The following HK2 variants were observed in gnomAD, a reference collection of about 807,000 sequenced individuals.
HK2 encodes hexokinase-2.
A neutral mutation model predicts 92.9 loss-of-function variants in HK2; 42 were observed. That is an observed-to-expected ratio of 0.45 (90% CI 0.35 to 0.58). The LOEUF is 0.58. HK2 is among the 20% of genes least tolerant of loss of function. HK2 has a pLI of 0.00. For synonymous variants in HK2, 422 were observed against 468.0 expected (o/e 0.90, Z 1.27); for missense variants, 978 against 1,245.1 (o/e 0.79, Z 3.23).
intron 2 of HK2, among the ~76,000 whole-genome samples, chr2:74,859,074 G>A (rs913044771): frequency 1.3e-5 from 2 of 152,172 alleles, no homozygotes; most frequent in Non-Finnish European, 2.9e-5. Flanking sequence ...TCTATTTGTC[G>A]TTTTGCTTCT....
At chr2:74,855,684 T>C (rs1475754566) in intron 2 of HK2, among the ~76,000 whole-genome samples, 2 of 152,256 alleles carry the variant, frequency 1.3e-5, no homozygotes, top group African/African-American at 2.4e-5. Flanking sequence ...ATTTAATCTC[T>C]GCAGTAGCAT....
chr2:74,834,756 A>G lies in HK2; in HGVS notation c.63+113A>G. 1 of 1,238,486 alleles carries G rather than the reference A, an allele frequency of 8.1e-7. No individual in the cohort carries two copies. Among genetic ancestry groups the G allele is most frequent in the Non-Finnish European group, 1.2e-6 (1 of 847,844 alleles). 76.7% of individuals were successfully genotyped at this position (1,238,486 alleles called of 1,614,324 possible). A position where few individuals can be genotyped will look rare whatever the true frequency, so the allele number is the denominator to read the frequency against. ...GCTTCCTCCCTACTCCGGGCCTGGG[A>G]GCGGAAAAAGTTTGGGCAGCCGGGA... On this transcript the variant is annotated intron_variant, in intron 1 of 17. Transcript: ENST00000290573. This position sits in a 1 kb window ranked among gnomAD's most constrained non-coding sequence, Gnocchi z 4.2.
intron 12 of HK2, 102 bp from the exon 13 acceptor site, chr2:74,885,392 G>A (rs552643606): frequency 2.8e-5 from 22 of 794,394 alleles, no homozygotes; most frequent in African/African-American, 1.4e-4. Context: ...TGGGGGATCC[G>A]TCTGACCTGT....
intron 13 of HK2, among the ~76,000 whole-genome samples, chr2:74,885,873 C>A (rs545139996): frequency 4.6e-5 from 7 of 151,478 alleles, no homozygotes; most frequent in South Asian, 4.2e-4. Context: ...CACACACACA[C>A]ACACACACAC....
chr2:74,854,588 T>A (rs1487928841), intron 2 of HK2, 133 bp downstream of exon 2: 6 of 946,122 alleles, frequency 6.3e-6, no homozygotes, highest in Non-Finnish European at 1.0e-5. Context: ...GGGAATTGAA[T>A]GGAAGGCTGT....
At chr2:74,863,446 T>C (rs1688877569) in intron 2 of HK2, among the ~76,000 whole-genome samples, 1 of 152,332 alleles carries the variant, frequency 6.6e-6, no homozygotes, top group South Asian at 2.1e-4. Context: ...TGAATACTTC[T>C]GTATGGCTGA....
chr2:74,886,323 G>C lies in HK2; in HGVS notation c.1965G>C (p.Val655=). Residue 655 remains valine (V), a synonymous_variant, in exon 14 of 18, where the codon GTG becomes GTC. Coordinates refer to ENST00000290573, the MANE Select transcript of HK2 (RefSeq NM_000189.5). ...TTGACCTGGATGTGGTTGCTGTGGT[G>C]AACGACACAGTCGGAACTATGATGA... ...EEFDLDVVAV[V]NDTVGTMMTC... is the part of the protein sequence containing the mutation. 1 of 1,614,168 alleles carries C rather than the reference G, an allele frequency of 6.2e-7. No homozygotes were observed. The highest frequency in any genetic ancestry group is 1.7e-5 in the Admixed American group (1 of 60,032).
chr2:74,854,656 C>T (rs996658189), intron 2 of HK2, among the ~76,000 whole-genome samples: 2 of 152,218 alleles, frequency 1.3e-5, no homozygotes, highest in African/African-American at 4.8e-5. Flanking sequence ...TAAGGGAGGG[C>T]ACCTTTGTCA....
chr2:74,861,452 C>T (rs1440004341), intron 2 of HK2, among the ~76,000 whole-genome samples: 3 of 151,600 alleles, frequency 2.0e-5, no homozygotes, highest in Non-Finnish European at 4.4e-5. Flanking sequence ...GAATTGATAG[C>T]ATTTAATGAG....
intron 1 of HK2, among the ~76,000 whole-genome samples, chr2:74,839,072 G>T (rs984968894): frequency 2.6e-5 from 4 of 152,178 alleles, no homozygotes; most frequent in Non-Finnish European, 5.9e-5. Flanking sequence ...TCAATGCTGG[G>T]CTTGAGAGGA....
rs371245896 is a variant in HK2 at position 74,891,223 on chromosome 2, C to T, written c.*282C>T. 72 of 445,428 alleles carry T rather than the reference C, an allele frequency of 1.6e-4. 1 individual carries two copies. Among genetic ancestry groups the T allele is most frequent in the African/African-American group, 9.8e-4 (49 of 50,190 alleles). The allele number at this position is 445,428 out of a possible 1,614,324, so 27.6% of individuals were successfully genotyped here. On this transcript the variant is annotated 3_prime_UTR_variant, in exon 18 of 18. Transcript: ENST00000290573. ...AAAATTATCTCCCTTAGTAATCCCC[C>T]TTGCCAAATTCCATGTCCCTGTATA...
At position 74,846,331 on chromosome 2, in the gene HK2, C is replaced by T. The variant is rs540125270; in HGVS notation, c.64-7962C>T. Among the ~76,000 whole-genome samples, 8 of 151,348 alleles carry T rather than the reference C, an allele frequency of 5.3e-5. No individual in the cohort carries two copies. In the East Asian group the frequency reaches 1.2e-3, roughly 22 times the overall value. On this transcript the variant is annotated intron_variant, in intron 1 of 17. Coordinates refer to ENST00000290573, the MANE Select transcript of HK2 (RefSeq NM_000189.5). ...AGTGCAACCTGCCTTTTTTTTCCAG[C>T]GTCTTTTGAATTGAAGTATAATGCA...
At chr2:74,871,122 G>T (rs757593466) in intron 3 of HK2, among the ~76,000 whole-genome samples, 5 of 152,180 alleles carry the variant, frequency 3.3e-5, no homozygotes, top group African/African-American at 4.8e-5. Flanking sequence ...AGGGCGGAAG[G>T]CTTGCTAACA....
intron 4 of HK2, among the ~76,000 whole-genome samples, 194 bp from the exon 5 acceptor site, chr2:74,873,082 G>A (rs1342442061): frequency 6.6e-6 from 1 of 152,158 alleles, no homozygotes; most frequent in Admixed American, 6.5e-5. Flanking sequence ...ATTGTTATGC[G>A]GCACATGACT....
intron 16 of HK2, among the ~76,000 whole-genome samples, chr2:74,888,532 A>G (rs979781243): frequency 5.3e-5 from 8 of 152,214 alleles, no homozygotes; most frequent in African/African-American, 1.9e-4. Flanking sequence ...CCTACAGTCA[A>G]ATGGTGGAAA....
At chr2:74,852,062 T>C (rs969690287) in intron 1 of HK2, among the ~76,000 whole-genome samples, 1 of 152,170 alleles carries the variant, frequency 6.6e-6, no homozygotes. Flanking sequence ...CTCTGTAGAA[T>C]AGAGATGCTG....
chr2:74,850,384 C>G (rs901509085), intron 1 of HK2, among the ~76,000 whole-genome samples: 5 of 152,218 alleles, frequency 3.3e-5, no homozygotes, highest in African/African-American at 1.2e-4. Context: ...ACAAGTAGAG[C>G]TGTTCAAAAA....
chr2:74,884,158 G>A (rs1379963162), intron 12 of HK2, among the ~76,000 whole-genome samples: 5 of 152,182 alleles, frequency 3.3e-5, no homozygotes, highest in African/African-American at 4.8e-5. Flanking sequence ...TGTGTTAACT[G>A]TTTCTGTCTG....
rs1689538331 is a variant in HK2 at position 74,886,387 on chromosome 2, A to G, written c.2029A>G (p.Ile677Val). ...FEDPHCEVGL[I>V]VGTGSNACYM... is the part of the protein sequence containing the mutation. ...AGACCCTCACTGTGAAGTTGGCCTC[A>G]TTGTTGGTAAGGACCCAGACTGTCC... The change falls in exon 14 of 18, where the codon ATT becomes GTT. Residue 677 changes from isoleucine to valine, a missense_variant. Around this residue, in one of 3 missense-constraint regions of HK2, gnomAD observed 742 missense variants for 922.5 expected, o/e 0.80. Transcript: ENST00000290573. 6.2e-7 allele frequency: 1 copy of G among 1,613,964 alleles called. No homozygotes were observed. Among genetic ancestry groups the G allele is most frequent in the African/African-American group, 1.3e-5 (1 of 74,896 alleles).
Sources: gnomAD v4.1 joint callset for allele counts (sites outside exome capture counted in the v4.1 genomes callset) on GRCh38, gnomAD v4.1.1 for gene constraint, gnomAD v4.1.1 regional missense constraint, Gnocchi (gnomAD v3.1) non-coding constraint, MANE v1.5 for transcripts, NCBI Gene and HGNC (gene_info 2026-07-23, HGNC 2026-07-21) for gene names.